OPCML: variants seen among roughly 807,000 people sequenced by gnomAD.
The protein encoded by OPCML is opioid-binding protein/cell adhesion molecule.
In OPCML, 13 loss-of-function variants were observed where a neutral mutation model predicts 37.8. The observed-to-expected ratio is 0.34, with a 90% CI of 0.22 to 0.55. The LOEUF (loss-of-function observed/expected upper bound fraction) is 0.55, where lower values mean the gene tolerates loss of function less well. Among genes scored for constraint, OPCML ranks in the 20% least tolerant of loss-of-function variants. The probability of loss-of-function intolerance (pLI) is 0.91; values close to 1 mark genes in which losing one functional copy is unlikely to be tolerated. For missense variants in OPCML, 341 were observed against 435.6 expected (o/e 0.78, Z 1.93); for synonymous variants, 176 against 168.8 (o/e 1.04, Z -0.33).
intron 4 of OPCML, among the ~76,000 whole-genome samples, chr11:132,441,159 TTTTTTG>T (rs1188108057): frequency 1.4e-4 from 14 of 99,558 alleles, no homozygotes; most frequent in Admixed American, 4.6e-4. Context: ...CACCAAGGAC[TTTTTTG>T]TTTTTTTTTT....
chr11:132,558,266 C>T (rs927366485), intron 3 of OPCML, among the ~76,000 whole-genome samples: 2 of 148,738 alleles, frequency 1.3e-5, no homozygotes, highest in African/African-American at 5.0e-5. Flanking sequence ...TCTTCCTTCT[C>T]CTCTTCTTCA....
At chr11:132,443,913 A>T (rs1177387380) in intron 4 of OPCML, among the ~76,000 whole-genome samples, 1 of 152,234 alleles carries the variant, frequency 6.6e-6, no homozygotes, top group Non-Finnish European at 1.5e-5. Context: ...TGAGCAGATC[A>T]AAACATCCGC....
intron 4 of OPCML, among the ~76,000 whole-genome samples, chr11:132,495,258 G>T (rs1402854227): frequency 6.6e-6 from 1 of 152,068 alleles, no homozygotes; most frequent in Admixed American, 6.6e-5. Flanking sequence ...GAGTGACAAG[G>T]GCAATGACAT....
intron 1 of OPCML, among the ~76,000 whole-genome samples, chr11:133,495,335 G>T (rs2120483865): frequency 6.6e-6 from 1 of 152,282 alleles, no homozygotes; most frequent in African/African-American, 2.4e-5. Context: ...CCACGATTTT[G>T]CAATTGTGAA....
At chr11:132,482,574 T>C (rs953404452) in intron 4 of OPCML, among the ~76,000 whole-genome samples, 1 of 152,136 alleles carries the variant, frequency 6.6e-6, no homozygotes, top group African/African-American at 2.4e-5. Context: ...ATTTTATGAG[T>C]CCAGCATCAT....
intron 1 of OPCML, among the ~76,000 whole-genome samples, chr11:132,987,068 G>T (rs1174705805): frequency 6.6e-6 from 1 of 152,092 alleles, no homozygotes; most frequent in South Asian, 2.1e-4. Flanking sequence ...ATCCATCCAC[G>T]CTCTCCCTCT....
chr11:133,508,595 G>T (rs115928110), intron 1 of OPCML, among the ~76,000 whole-genome samples: 2 of 152,172 alleles, frequency 1.3e-5, no homozygotes, highest in Non-Finnish European at 2.9e-5. Context: ...CTGGGCTGCC[G>T]CAGGCAATGC....
Position 133,026,427 on chromosome 11 carries a change from C to T in OPCML, c.62-83417G>A, listed in dbSNP as rs542915312. On this transcript the variant is annotated intron_variant, in intron 1 of 7. Transcript: ENST00000524381. Reference sequence around the variant, plus strand: ...CCTCTTCTTTAGGGAAACCTGTTTGCATCCTCTTTTCTCATCCCTGGTTCC... The same window carrying T: ...CCTCTTCTTTAGGGAAACCTGTTTGTATCCTCTTTTCTCATCCCTGGTTCC... 3.0e-6 allele frequency: 3 copies of T among 985,402 alleles called. No individual in the cohort carries two copies. In the East Asian group the frequency reaches 3.4e-4, roughly 112 times the overall value. The allele number at this position is 985,402 out of a possible 1,614,324, so 61.0% of individuals were successfully genotyped here. A position where few individuals can be genotyped will look rare whatever the true frequency, so the allele number is the denominator to read the frequency against.
At chr11:132,522,379 T>C (rs1249860474) in intron 4 of OPCML, among the ~76,000 whole-genome samples, 1 of 152,126 alleles carries the variant, frequency 6.6e-6, no homozygotes, top group Non-Finnish European at 1.5e-5. Flanking sequence ...AATTATCACT[T>C]TTCTCCCAAG....
intron 1 of OPCML, among the ~76,000 whole-genome samples, chr11:132,972,379 A>C (rs1255060022): frequency 6.6e-6 from 1 of 152,218 alleles, no homozygotes; most frequent in Admixed American, 6.5e-5. Context: ...CTGCAACCTG[A>C]CTGGCATGAG....
At chr11:132,566,210 T>C (rs913080553) in intron 3 of OPCML, among the ~76,000 whole-genome samples, 8 of 152,370 alleles carry the variant, frequency 5.3e-5, no homozygotes, top group Admixed American at 5.2e-4. Context: ...CCTTTTCTTT[T>C]CTTTTTCTGT....
chr11:132,500,737 A>G (rs953445063), intron 4 of OPCML, among the ~76,000 whole-genome samples: 1 of 151,318 alleles, frequency 6.6e-6, no homozygotes, highest in Non-Finnish European at 1.5e-5. Flanking sequence ...CTAGTGTGTG[A>G]TGTTCCCCTC....
intron 2 of OPCML, among the ~76,000 whole-genome samples, chr11:132,781,955 T>TATA (rs60644917): frequency 0.032 from 1,420 of 43,790 alleles, 8 homozygotes; most frequent in African/African-American, 0.062. Context: ...TATATATATA[T>TATA]TTTTTTTTTT....
intron 1 of OPCML, among the ~76,000 whole-genome samples, chr11:133,266,233 C>T (rs527307341): frequency 6.6e-6 from 1 of 152,100 alleles, no homozygotes; most frequent in Non-Finnish European, 1.5e-5. Context: ...CTCCTTCAAC[C>T]CCACCCTAGC....
intron 1 of OPCML, among the ~76,000 whole-genome samples, chr11:133,083,155 C>T (rs1171502496): frequency 6.6e-6 from 1 of 150,894 alleles, no homozygotes; most frequent in Non-Finnish European, 1.5e-5. Context: ...CACACACACA[C>T]ACGCACACAC....
At chr11:132,906,962 T>C (rs1048815125) in intron 2 of OPCML, among the ~76,000 whole-genome samples, 12 of 152,168 alleles carry the variant, frequency 7.9e-5, no homozygotes, top group African/African-American at 2.9e-4. Context: ...AACAAAAATA[T>C]CGACAGCTCT....
At chr11:133,151,576 G>A (rs1949987696) in intron 1 of OPCML, among the ~76,000 whole-genome samples, 1 of 152,148 alleles carries the variant, frequency 6.6e-6, no homozygotes, top group African/African-American at 2.4e-5. Flanking sequence ...TATTGGATGA[G>A]GAAAGTGCAG....
chr11:133,508,094 T>C (rs1313449786), intron 1 of OPCML, among the ~76,000 whole-genome samples: 1 of 152,188 alleles, frequency 6.6e-6, no homozygotes, highest in East Asian at 1.9e-4. Context: ...TACATCAGAA[T>C]TCAGGGAAGC....
intron 1 of OPCML, among the ~76,000 whole-genome samples, chr11:133,449,912 C>T (rs904535314): frequency 1.3e-5 from 2 of 151,686 alleles, no homozygotes; most frequent in Admixed American, 1.3e-4. Context: ...TCTTCTTTGT[C>T]ATGAATTGTT....
Sources: gnomAD v4.1 joint callset for allele counts (sites outside exome capture counted in the v4.1 genomes callset) on GRCh38, gnomAD v4.1.1 for gene constraint, MANE v1.5 for transcripts, NCBI Gene and HGNC (gene_info 2026-07-23, HGNC 2026-07-21) for gene names.